Variants in PTCSC3 observed in about 807,000 individuals in gnomAD.
PTCSC3 encodes papillary thyroid carcinoma susceptibility candidate 3.
At chr14:36,145,331 T>C (rs1881535317) in intron 3 of PTCSC3, among the ~76,000 whole-genome samples, 1 of 151,680 alleles carries the variant, frequency 6.6e-6, no homozygotes, top group African/African-American at 2.4e-5. Flanking sequence ...ATTGCCCCAA[T>C]TTCAGATCCT....
At chr14:36,148,017 C>G (rs1375307993) in intron 3 of PTCSC3, among the ~76,000 whole-genome samples, 1 of 152,190 alleles carries the variant, frequency 6.6e-6, no homozygotes, top group African/African-American at 2.4e-5. Context: ...GCAGTCTGCC[C>G]ATTCTCAGAT....
At chr14:36,152,395 C>T (rs753411842) in intron 3 of PTCSC3, among the ~76,000 whole-genome samples, 4 of 151,990 alleles carry the variant, frequency 2.6e-5, no homozygotes, top group Non-Finnish European at 5.9e-5. Context: ...TTTGAGTCTA[C>T]AGTGTGCTAC....
chr14:36,150,932 G>A (rs949315453), intron 3 of PTCSC3, among the ~76,000 whole-genome samples: 5 of 100,900 alleles, frequency 5.0e-5, no homozygotes, highest in Admixed American at 4.3e-4. Context: ...AATAAGAAAG[G>A]TATTTTTTTA....
chr14:36,160,252 A>C (rs986063211), intron 2 of PTCSC3, among the ~76,000 whole-genome samples: 1 of 152,148 alleles, frequency 6.6e-6, no homozygotes, highest in African/African-American at 2.4e-5. Flanking sequence ...GTTATGTGTG[A>C]ATTTGATCCT....
At chr14:36,147,660 C>T (rs1308542832) in intron 3 of PTCSC3, among the ~76,000 whole-genome samples, 2 of 151,958 alleles carry the variant, frequency 1.3e-5, no homozygotes, top group East Asian at 1.9e-4. Context: ...CTTCTCTCAG[C>T]TCGTCAAAGT....
chr14:36,147,796 T>A (rs1439076769), intron 3 of PTCSC3, among the ~76,000 whole-genome samples: 7 of 151,942 alleles, frequency 4.6e-5, no homozygotes, highest in Non-Finnish European at 1.0e-4. Context: ...TGTGGTTTTA[T>A]CTACTTTTGG....
intron 1 of PTCSC3, among the ~76,000 whole-genome samples, chr14:36,168,689 C>T (rs1033925558): frequency 6.6e-6 from 1 of 152,082 alleles, no homozygotes; most frequent in Admixed American, 6.6e-5. Context: ...GATCATAGCT[C>T]ACTGCAGCCT....
intron 3 of PTCSC3, among the ~76,000 whole-genome samples, chr14:36,151,334 C>T (rs1881718429): frequency 6.7e-6 from 1 of 150,154 alleles, no homozygotes; most frequent in Non-Finnish European, 1.5e-5. Context: ...TTTTTGGTTT[C>T]CTACAGTTGG....
At chr14:36,146,064 G>A (rs1436934774) in intron 3 of PTCSC3, among the ~76,000 whole-genome samples, 2 of 150,748 alleles carry the variant, frequency 1.3e-5, no homozygotes, top group Non-Finnish European at 3.0e-5. Flanking sequence ...CATTTGCTGA[G>A]GAGAGCTTTA....
chr14:36,146,467 A>G (rs367724879), intron 3 of PTCSC3, among the ~76,000 whole-genome samples: 8,014 of 151,118 alleles, frequency 0.053, 113 homozygotes, highest in Middle Eastern at 0.11. Flanking sequence ...CTGTTTTATC[A>G]GAGACTAGGA....
At chr14:36,172,582 T>C (rs995065527) in intron 1 of PTCSC3, among the ~76,000 whole-genome samples, 1 of 152,176 alleles carries the variant, frequency 6.6e-6, no homozygotes. Context: ...ATGTTCCTTG[T>C]TTTCAAATGA....
chr14:36,136,806 A>G (rs1393729910), intron 3 of PTCSC3, among the ~76,000 whole-genome samples: 3 of 152,212 alleles, frequency 2.0e-5, no homozygotes, highest in Non-Finnish European at 2.9e-5. Context: ...ATTATTTGGG[A>G]GTCTAGAGAG....
At chr14:36,159,305 CT>C (rs1404633546) in intron 2 of PTCSC3, among the ~76,000 whole-genome samples, 7 of 151,148 alleles carry the variant, frequency 4.6e-5, no homozygotes, top group Non-Finnish European at 7.4e-5. Flanking sequence ...AATTTGTTTG[CT>C]TTTGCTTCTC....
chr14:36,147,856 CTGTT>C (rs1375246481), intron 3 of PTCSC3, among the ~76,000 whole-genome samples: 44 of 152,080 alleles, frequency 2.9e-4, no homozygotes, highest in Admixed American at 1.5e-3. Context: ...GAAGTCCTTT[CTGTT>C]TGTTAGTTTT....
intron 1 of PTCSC3, among the ~76,000 whole-genome samples, chr14:36,175,036 C>T (rs1448868868): frequency 6.6e-6 from 1 of 152,128 alleles, no homozygotes. Flanking sequence ...TACAATCCAA[C>T]TCTCAGTCAC....
At chr14:36,159,487 C>A (rs1881906532) in intron 2 of PTCSC3, among the ~76,000 whole-genome samples, 1 of 151,778 alleles carries the variant, frequency 6.6e-6, no homozygotes, top group African/African-American at 2.4e-5. Context: ...TTTATTTCTG[C>A]CTTAATTTCA....
At chr14:36,144,186 T>C (rs536421197) in intron 3 of PTCSC3, among the ~76,000 whole-genome samples, 1 of 151,634 alleles carries the variant, frequency 6.6e-6, no homozygotes, top group African/African-American at 2.4e-5. Flanking sequence ...TTTTTTCCAA[T>C]TCTGTGAAGA....
At chr14:36,161,187 TTTG>T (rs1881948348) in intron 2 of PTCSC3, among the ~76,000 whole-genome samples, 1 of 152,116 alleles carries the variant, frequency 6.6e-6, no homozygotes. Flanking sequence ...CTTCGAGGAG[TTTG>T]TTATTACCCA....
At chr14:36,176,534 A>G (rs1882290290), upstream of PTCSC3, 1 of 151,710 alleles carries the variant, frequency 6.6e-6, no homozygotes, top group African/African-American at 2.4e-5. Context: ...CCCCCTGGAT[A>G]TTTTTTCTGG....
Sources: allele counts gnomAD v4.1 joint callset (sites outside exome capture counted in the v4.1 genomes callset), GRCh38; gene constraint gnomAD v4.1.1; transcripts MANE v1.5; gene names NCBI Gene and HGNC (gene_info 2026-07-23, HGNC 2026-07-21).